MIER1: variants seen among roughly 807,000 people sequenced by gnomAD.
The protein encoded by MIER1 is MIER1 transcriptional regulator, also known as mesoderm induction early response protein 1.
Under a neutral mutation model 75.7 loss-of-function variants are expected in MIER1, and 40 were observed. The ratio of observed to expected loss-of-function variants is 0.53; its 90% CI spans 0.41 to 0.69. The LOEUF (loss-of-function observed/expected upper bound fraction) is 0.69. Ranked by LOEUF, MIER1 falls within the 30% of genes least tolerant of loss-of-function variation. The pLI, the probability that MIER1 is intolerant of heterozygous loss-of-function variation, is 0.00. For missense variants in MIER1, 574 were observed against 680.2 expected (o/e 0.84, Z 1.74); for synonymous variants, 213 against 223.4 (o/e 0.95, Z 0.42).
At chr1:66,941,970 C>CAA (rs10627197) in intron 3 of MIER1, among the ~76,000 whole-genome samples, 2,953 of 130,172 alleles carry the variant, frequency 0.023, 60 homozygotes, top group Middle Eastern at 0.044. Context: ...CTCCTTCTCT[C>CAA]AAAAAAAAAA....
Position 66,985,813 on chromosome 1 carries a change from AATTTT to A in MIER1, c.*914_*918del. ...TTAAAGCATTCATAAAGGATTATAA[AATTTT>A]TTTTTTTTTTTTTTTTTTTAAATTT... On this transcript the variant is annotated 3_prime_UTR_variant, in exon 14 of 14. Transcript: ENST00000401041. 1.4e-5 allele frequency: 10 copies of A among 738,714 alleles called. No homozygotes were observed. The highest frequency in any genetic ancestry group is 6.9e-4 in the Middle Eastern group (1 of 1,456). 45.8% of individuals were successfully genotyped at this position (738,714 alleles called of 1,614,324 possible). A position where few individuals can be genotyped will look rare whatever the true frequency, so the allele number is the denominator to read the frequency against.
chr1:66,930,201 G>A, intron 2 of MIER1: 6 of 1,369,718 alleles, frequency 4.4e-6, no homozygotes, highest in East Asian at 3.1e-5. Context: ...CCCAGCCGGG[G>A]CGCCGCGAGG....
chr1:66,973,021 AAG>A (rs758777752), intron 11 of MIER1, 30 bp downstream of exon 11: 4 of 1,292,580 alleles, frequency 3.1e-6, no homozygotes, highest in South Asian at 1.2e-5. Flanking sequence ...TTTTTGCAAA[AAG>A]AAATTTAGTT....
At chr1:66,930,721 A>G (rs1331268893) in intron 2 of MIER1, among the ~76,000 whole-genome samples, 1 of 151,994 alleles carries the variant, frequency 6.6e-6, no homozygotes, top group African/African-American at 2.4e-5. Flanking sequence ...GGCCGGTGCT[A>G]GGGGCCAGGA....
intron 7 of MIER1, among the ~76,000 whole-genome samples, 174 bp from the exon 8 acceptor site, chr1:66,962,914 C>G (rs1661548012): frequency 6.6e-6 from 1 of 151,936 alleles, no homozygotes; most frequent in African/African-American, 2.4e-5. Flanking sequence ...ATATTTTCAT[C>G]CAGTCATTAT....
intron 4 of MIER1, among the ~76,000 whole-genome samples, chr1:66,950,167 G>A (rs1658592653): frequency 6.6e-6 from 1 of 152,044 alleles, no homozygotes; most frequent in South Asian, 2.1e-4. Flanking sequence ...GGAGTGCAGT[G>A]GCACGATCTC....
intron 4 of MIER1, among the ~76,000 whole-genome samples, chr1:66,957,587 GTTTT>G (rs770503779): frequency 2.0e-4 from 20 of 99,266 alleles, no homozygotes; most frequent in African/African-American, 6.4e-4. Flanking sequence ...GTTTGTTTGT[GTTTT>G]TTTTTTTTTT....
chr1:66,952,651 T>A (rs2101614181), intron 4 of MIER1, among the ~76,000 whole-genome samples: 1 of 152,300 alleles, frequency 6.6e-6, no homozygotes, highest in East Asian at 1.9e-4. Flanking sequence ...TTTACCTCTT[T>A]TTGTTTTTGA....
intron 1 of MIER1, chr1:66,925,383 T>C (rs1486699508): frequency 1.0e-6 from 1 of 985,254 alleles, no homozygotes; most frequent in Admixed American, 6.2e-5. Flanking sequence ...CGCTGCGGAG[T>C]GAGTTCGCCT....
At position 66,946,229 on chromosome 1, in the gene MIER1, A is replaced by T; in HGVS notation, c.273A>T (p.Thr91=). ...MLVHDFDDER[T]LEEEEMMEGE... ...TTCATGATTTTGATGATGAACGAAC[A>T]TTAGAAGAGGAAGAAATGATGGAAG... Residue 91 remains threonine (T), a synonymous_variant, in exon 4 of 14, where the codon ACA becomes ACT. Transcript: ENST00000401041. The T allele has an allele frequency of 6.2e-7, 1 of 1,611,512 alleles. No homozygotes were observed. Among genetic ancestry groups the T allele is most frequent in the Non-Finnish European group, 8.5e-7 (1 of 1,179,484 alleles).
At chr1:66,925,252 C>A in intron 1 of MIER1, 157 bp downstream of exon 1, 1 of 983,076 alleles carries the variant, frequency 1.0e-6, no homozygotes, top group Non-Finnish European at 1.2e-6. Context: ...TGCCGCAGAA[C>A]GCGCCTGGCT....
At chr1:66,962,430 A>G (rs1335696274) in intron 7 of MIER1, among the ~76,000 whole-genome samples, 2 of 152,168 alleles carry the variant, frequency 1.3e-5, no homozygotes, top group African/African-American at 4.8e-5. Flanking sequence ...CTATGTCAGA[A>G]TCACCTAGAG....
intron 2 of MIER1, among the ~76,000 whole-genome samples, chr1:66,933,984 C>T (rs927009055): frequency 6.6e-6 from 1 of 152,086 alleles, no homozygotes; most frequent in Non-Finnish European, 1.5e-5. Flanking sequence ...AAATTCATTG[C>T]AGTGATTAAA....
chr1:66,946,104 T>C (rs746273773), intron 3 of MIER1, 46 bp from the exon 4 acceptor site: 1 of 1,541,574 alleles, frequency 6.5e-7, no homozygotes, highest in Non-Finnish European at 8.7e-7. Flanking sequence ...ATTAATAAGA[T>C]CCACTTAATT....
intron 3 of MIER1, among the ~76,000 whole-genome samples, chr1:66,940,686 T>G (rs958045811): frequency 1.3e-5 from 2 of 152,186 alleles, no homozygotes; most frequent in Non-Finnish European, 2.9e-5. Context: ...CCACAAATTT[T>G]TGTTTGGCCA....
chr1:66,968,551 A>T (rs1662898545), intron 8 of MIER1, among the ~76,000 whole-genome samples: 2 of 152,150 alleles, frequency 1.3e-5, no homozygotes, highest in East Asian at 1.9e-4. Flanking sequence ...CTTACCTAGT[A>T]TCTTGGAGAG....
intron 8 of MIER1, among the ~76,000 whole-genome samples, chr1:66,969,270 G>A (rs1305714224): frequency 2.0e-5 from 3 of 152,040 alleles, no homozygotes; most frequent in African/African-American, 7.2e-5. Flanking sequence ...ATACGGCCGG[G>A]CGCGGTGGCT....
chr1:66,952,560 C>T (rs1643817139), intron 4 of MIER1, among the ~76,000 whole-genome samples: 1 of 152,128 alleles, frequency 6.6e-6, no homozygotes, highest in Non-Finnish European at 1.5e-5. Flanking sequence ...CATGGAATTT[C>T]ATTAAAGGAG....
At chr1:66,953,117 TAC>T (rs1213230300) in intron 4 of MIER1, among the ~76,000 whole-genome samples, 1 of 152,184 alleles carries the variant, frequency 6.6e-6, no homozygotes, top group Admixed American at 6.5e-5. Context: ...GGCCAGGGAA[TAC>T]AGTTATTCCA....
Sources: allele counts gnomAD v4.1 joint callset (sites outside exome capture counted in the v4.1 genomes callset), GRCh38; gene constraint gnomAD v4.1.1; transcripts MANE v1.5; gene names NCBI Gene and HGNC (gene_info 2026-07-23, HGNC 2026-07-21).